The following NSMCE2 variants were observed in gnomAD, a reference collection of about 807,000 sequenced individuals.
NSMCE2 encodes the protein NSE2 SUMO ligase component of SMC5/6 complex, also known as E3 SUMO-protein ligase NSE2.
NSMCE2 carries 24 observed loss-of-function variants against 23.8 expected under a neutral mutation model. The observed-to-expected ratio is 1.01, with a 90% CI of 0.73 to 1.42. The LOEUF (loss-of-function observed/expected upper bound fraction) is 1.42. NSMCE2 is among the 40% of genes most tolerant of loss of function. NSMCE2 has a pLI of 0.00. For missense variants in NSMCE2, 284 were observed against 296.5 expected, an observed-to-expected ratio of 0.96 and a Z score of 0.31; for synonymous variants, 92 against 94.1, an observed-to-expected ratio of 0.98 and a Z score of 0.13.
chr8:125,169,625 G>A (rs565706678), intron 4 of NSMCE2, among the ~76,000 whole-genome samples: 1 of 151,898 alleles, frequency 6.6e-6, no homozygotes, highest in African/African-American at 2.4e-5. Flanking sequence ...CCATTCCCAT[G>A]TTCACAGTCT....
At chr8:125,188,159 G>A (rs901773100) in intron 5 of NSMCE2, among the ~76,000 whole-genome samples, 1 of 152,144 alleles carries the variant, frequency 6.6e-6, no homozygotes. Context: ...TTTACAAAAG[G>A]ATTCTCTGAA....
intron 5 of NSMCE2, among the ~76,000 whole-genome samples, chr8:125,265,446 C>G (rs1288356513): frequency 2.6e-5 from 4 of 152,110 alleles, no homozygotes; most frequent in African/African-American, 9.7e-5. Context: ...GTCTCGAACT[C>G]CTGACCTCAG....
intron 5 of NSMCE2, among the ~76,000 whole-genome samples, chr8:125,238,176 G>A (rs537769251): frequency 1.4e-4 from 22 of 152,198 alleles, no homozygotes; most frequent in African/African-American, 5.3e-4. Flanking sequence ...GAGAACTAAA[G>A]AAGATGGAAG....
chr8:125,268,240 GA>G (rs376800710), intron 5 of NSMCE2, among the ~76,000 whole-genome samples: 1,981 of 142,490 alleles, frequency 0.014, 10 homozygotes, highest in Middle Eastern at 0.039. Flanking sequence ...TCTCAAGGAA[GA>G]AAAAAAAAAA....
intron 4 of NSMCE2, among the ~76,000 whole-genome samples, chr8:125,173,440 G>A (rs1243865329): frequency 6.6e-6 from 1 of 152,204 alleles, no homozygotes; most frequent in African/African-American, 2.4e-5. Flanking sequence ...AGCATCTTGG[G>A]AGACACCACC....
chr8:125,120,779 C>G (rs184524910), intron 3 of NSMCE2, among the ~76,000 whole-genome samples: 2 of 152,336 alleles, frequency 1.3e-5, no homozygotes, highest in Non-Finnish European at 2.9e-5. Context: ...GCATTTGGGG[C>G]AAGCTCCAAA....
chr8:125,150,942 C>A (rs950840348), intron 3 of NSMCE2, among the ~76,000 whole-genome samples: 5 of 152,146 alleles, frequency 3.3e-5, no homozygotes, highest in African/African-American at 4.8e-5. Flanking sequence ...TGCCTTTGAG[C>A]TGTCTTCTAC....
intron 4 of NSMCE2, among the ~76,000 whole-genome samples, chr8:125,155,665 T>C (rs1263113349): frequency 6.6e-6 from 1 of 152,174 alleles, no homozygotes; most frequent in Admixed American, 6.5e-5. Context: ...ATAAACCCAG[T>C]GGTAGTACTG....
intron 5 of NSMCE2, among the ~76,000 whole-genome samples, chr8:125,293,657 T>C (rs998624948): frequency 2.6e-5 from 4 of 152,172 alleles, no homozygotes; most frequent in Non-Finnish European, 5.9e-5. Flanking sequence ...GCTGAGACTT[T>C]TGAAGACCAT....
intron 5 of NSMCE2, among the ~76,000 whole-genome samples, chr8:125,327,625 G>A (rs2131288922): frequency 6.6e-6 from 1 of 152,020 alleles, no homozygotes; most frequent in East Asian, 1.9e-4. Context: ...GAACTAAGGA[G>A]GCTAGAAGTC....
At chr8:125,320,452 G>C (rs1472682028) in intron 5 of NSMCE2, among the ~76,000 whole-genome samples, 1 of 151,882 alleles carries the variant, frequency 6.6e-6, no homozygotes, top group Non-Finnish European at 1.5e-5. Context: ...CGATCAAATT[G>C]TTTAAAATGA....
chr8:125,236,937 T>C (rs1825584239), intron 5 of NSMCE2, among the ~76,000 whole-genome samples: 1 of 152,118 alleles, frequency 6.6e-6, no homozygotes, highest in Admixed American at 6.6e-5. Flanking sequence ...TAAATACTAG[T>C]GAAAACTGAA....
chr8:125,319,522 G>GGT (rs371956150), intron 5 of NSMCE2, among the ~76,000 whole-genome samples: 4 of 152,056 alleles, frequency 2.6e-5, no homozygotes, highest in East Asian at 3.9e-4. Flanking sequence ...ATGGAAGGTA[G>GGT]GTGTGTGTGT....
At chr8:125,148,524 A>G (rs1036337655) in intron 3 of NSMCE2, among the ~76,000 whole-genome samples, 1 of 152,116 alleles carries the variant, frequency 6.6e-6, no homozygotes, top group Non-Finnish European at 1.5e-5. Context: ...ACAGACTTTC[A>G]TTTCTTATGC....
intron 5 of NSMCE2, among the ~76,000 whole-genome samples, chr8:125,217,449 C>G (rs909954364): frequency 1.3e-5 from 2 of 152,116 alleles, no homozygotes; most frequent in African/African-American, 4.8e-5. Flanking sequence ...CAAGCTCTGC[C>G]TCCCAGGTTC....
At chr8:125,319,284 A>G (rs1202563267) in intron 5 of NSMCE2, among the ~76,000 whole-genome samples, 1 of 152,210 alleles carries the variant, frequency 6.6e-6, no homozygotes, top group African/African-American at 2.4e-5. Context: ...TATAAAGAAA[A>G]CAAAAATAAA....
intron 3 of NSMCE2, among the ~76,000 whole-genome samples, chr8:125,145,777 T>G (rs1215578503): frequency 6.6e-6 from 1 of 152,186 alleles, no homozygotes; most frequent in Non-Finnish European, 1.5e-5. Flanking sequence ...AACATTTCTC[T>G]CCTGCTGCTC....
chr8:125,182,800 T>G (rs1822891877), intron 5 of NSMCE2: 1 of 152,836 alleles, frequency 6.5e-6, no homozygotes, highest in African/African-American at 2.4e-5. Context: ...TACATTCAAG[T>G]TTTTTAGTGG....
intron 5 of NSMCE2, among the ~76,000 whole-genome samples, chr8:125,202,238 C>A (rs1823916821): frequency 6.6e-6 from 1 of 152,334 alleles, no homozygotes; most frequent in Non-Finnish European, 1.5e-5. Flanking sequence ...TCCAACCAGT[C>A]CCAGTGAGAT....
Sources: gnomAD v4.1 joint callset for allele counts (sites outside exome capture counted in the v4.1 genomes callset) on GRCh38, gnomAD v4.1.1 for gene constraint, MANE v1.5 for transcripts, NCBI Gene and HGNC (gene_info 2026-07-23, HGNC 2026-07-21) for gene names.